Variants in NCALD observed in about 807,000 individuals in gnomAD.
The protein encoded by NCALD is neurocalcin-delta.
A neutral mutation model predicts 18.6 loss-of-function variants in NCALD; 10 were observed. The ratio of observed to expected loss-of-function variants is 0.54; its 90% CI spans 0.33 to 0.91. The LOEUF (loss-of-function observed/expected upper bound fraction) is 0.91. Ranked by LOEUF, NCALD falls within the 40% of genes least tolerant of loss-of-function variation. The probability of loss-of-function intolerance (pLI) is 0.03; values close to 1 mark genes in which losing one functional copy is unlikely to be tolerated. For missense variants in NCALD, 184 were observed against 247.6 expected, an observed-to-expected ratio of 0.74 and a Z score of 1.72; for synonymous variants, 88 against 87.4, an observed-to-expected ratio of 1.01 and a Z score of -0.04.
intron 1 of NCALD, among the ~76,000 whole-genome samples, chr8:101,778,687 G>A (rs1195158336): frequency 2.0e-5 from 3 of 152,058 alleles, no homozygotes; most frequent in African/African-American, 7.2e-5. Flanking sequence ...TGGGAAAAAA[G>A]TTAAGACCAT....
chr8:101,975,819 C>T (rs1820400918), intron 2 of NCALD, among the ~76,000 whole-genome samples: 1 of 152,134 alleles, frequency 6.6e-6, no homozygotes, highest in African/African-American at 2.4e-5. Context: ...GCTGTGTTTT[C>T]TATCTTCTTT....
chr8:102,012,469 T>C (rs1346043912), intron 2 of NCALD, among the ~76,000 whole-genome samples: 1 of 152,124 alleles, frequency 6.6e-6, no homozygotes, highest in Non-Finnish European at 1.5e-5. Context: ...CAGCATTACA[T>C]CAGGAGTCAA....
At chr8:101,821,355 T>C (rs566117953) in intron 4 of NCALD, among the ~76,000 whole-genome samples, 30 of 152,226 alleles carry the variant, frequency 2.0e-4, no homozygotes, top group Non-Finnish European at 3.4e-4. Flanking sequence ...TTTATGTACA[T>C]TAACCAACAT....
chr8:101,986,117 G>A (rs1205804199), intron 2 of NCALD, among the ~76,000 whole-genome samples: 1 of 151,794 alleles, frequency 6.6e-6, no homozygotes, highest in Non-Finnish European at 1.5e-5. Context: ...TGCAACCTCC[G>A]CCTCCCAGGT....
chr8:101,820,699 G>A (rs532804860), intron 4 of NCALD, among the ~76,000 whole-genome samples: 157 of 152,284 alleles, frequency 1.0e-3, no homozygotes, highest in East Asian at 2.1e-3. Flanking sequence ...TTCTGGCTCC[G>A]TAATGGTGCA....
At chr8:101,746,047 A>G (rs1810412940) in intron 1 of NCALD, 1 of 152,252 alleles carries the variant, frequency 6.6e-6, no homozygotes, top group South Asian at 2.1e-4. Context: ...AAGCACTTTC[A>G]TACCCAGTGT....
chr8:102,036,139 A>T (rs76202422), intron 1 of NCALD, among the ~76,000 whole-genome samples: 1,770 of 114,132 alleles, frequency 0.016, 9 homozygotes, highest in Middle Eastern at 0.043. Flanking sequence ...ATAAATAAAT[A>T]AATAAATTAA....
Position 101,727,825 on chromosome 8 carries a change from C to T in NCALD, c.-19-8177G>A, listed in dbSNP as rs560712522. Among the ~76,000 whole-genome samples the T allele has an allele frequency of 2.6e-5, 4 of 152,338 alleles. No homozygotes were observed. In the East Asian group the frequency reaches 7.7e-4, roughly 29 times the overall value. On this transcript the variant is annotated intron_variant, in intron 1 of 3. Coordinates refer to ENST00000220931, the MANE Select transcript of NCALD (RefSeq NM_032041.3). ...CTCAGTTCTCTCTCTGCTCCAGGCA[C>T]CTTGGCCTCCTGGATGTCCCATCTT...
chr8:101,746,189 CG>C (rs1424108262), intron 1 of NCALD, among the ~76,000 whole-genome samples: 3 of 152,084 alleles, frequency 2.0e-5, no homozygotes, highest in Non-Finnish European at 2.9e-5. Context: ...AGATGAAATT[CG>C]GAAATGCTAA....
At chr8:101,933,356 G>T (rs1231095687) in intron 2 of NCALD, among the ~76,000 whole-genome samples, 6 of 152,180 alleles carry the variant, frequency 3.9e-5, no homozygotes, top group Non-Finnish European at 2.9e-5. Context: ...AGCGGAGATT[G>T]GCAGGATGCA....
chr8:101,986,092 G>A lies in NCALD; in HGVS notation c.-157+34145C>T, dbSNP rs546517706. 1.5e-4 allele frequency among the ~76,000 whole-genome samples: 22 copies of A among 151,628 alleles called. No individual in the cohort carries two copies. The South Asian group carries it at 1.9e-3, about 13-fold the overall frequency. On this transcript the variant is annotated intron_variant, in intron 2 of 6. Coordinates refer to the NCALD transcript ENST00000311028. ...ATCACTCTGTCGCCCAGGCAGTGGC[G>A]CGATCTTGGCTCACTGCAACCTCCG...
chr8:102,057,987 A>G (rs2132247699), intron 1 of NCALD, among the ~76,000 whole-genome samples: 1 of 152,360 alleles, frequency 6.6e-6, no homozygotes, highest in African/African-American at 2.4e-5. Context: ...TATTCAATAA[A>G]TATCAGCTGA....
intron 1 of NCALD, among the ~76,000 whole-genome samples, chr8:101,747,924 G>A (rs1177407673): frequency 6.6e-6 from 1 of 152,038 alleles, no homozygotes; most frequent in African/African-American, 2.4e-5. Flanking sequence ...CACCATGTTG[G>A]CCAGGCTGGT....
At chr8:101,742,114 G>A (rs1418399474) in intron 1 of NCALD, among the ~76,000 whole-genome samples, 2 of 150,694 alleles carry the variant, frequency 1.3e-5, no homozygotes, top group Admixed American at 6.6e-5. Context: ...TTAGCTGGGC[G>A]TGGTGGTGGG....
At chr8:101,856,462 T>C (rs1192780526) in intron 4 of NCALD, among the ~76,000 whole-genome samples, 8 of 152,206 alleles carry the variant, frequency 5.3e-5, no homozygotes, top group Admixed American at 5.2e-4. Context: ...ACTGTCATTT[T>C]TCACATGTCC....
intron 3 of NCALD, among the ~76,000 whole-genome samples, chr8:101,893,541 A>G (rs1471455546): frequency 2.3e-5 from 3 of 130,190 alleles, no homozygotes; most frequent in Non-Finnish European, 4.7e-5. Flanking sequence ...AATGGACTAA[A>G]TGCTCCAATT....
rs1455122113 is a variant in NCALD, at chr8:101,688,598, T to C, written c.*711A>G. ...CAGCCGTCTTTTTATTTTATCACAA[T>C]AGGCAACAAGATGGGTCTGGTTTTG... On this transcript the variant is annotated 3_prime_UTR_variant, in exon 4 of 4. Coordinates refer to ENST00000220931, the MANE Select transcript of NCALD (RefSeq NM_032041.3). The C allele has an allele frequency of 2.2e-6, 1 of 454,856 alleles. No homozygotes were observed. The highest frequency in any genetic ancestry group is 2.0e-5 in the African/African-American group (1 of 49,884). The allele number at this position is 454,856 out of a possible 1,614,324, so 28.2% of individuals were successfully genotyped here.
chr8:101,969,615 G>A (rs1318960389), intron 2 of NCALD, among the ~76,000 whole-genome samples: 3 of 150,082 alleles, frequency 2.0e-5, no homozygotes, highest in African/African-American at 2.5e-5. Context: ...GAGAGCCCAG[G>A]GTGGCTTCTG....
At position 101,797,927 on chromosome 8, in the gene NCALD, A is replaced by T. The variant is rs1382962234; in HGVS notation, c.-19-78279T>A. On this transcript the variant is annotated intron_variant, in intron 4 of 6. Transcript: ENST00000311028. ...GAGACCCATGGGACTATAAAAAAAAATCTTTTATGTCTTCAAAGTCCTAGA... is the reference window on the plus strand; with the variant it reads ...GAGACCCATGGGACTATAAAAAAAATTCTTTTATGTCTTCAAAGTCCTAGA... 2.0e-5 allele frequency among the ~76,000 whole-genome samples: 3 copies of T among 152,290 alleles called. No homozygotes were observed. The South Asian group carries it at 6.2e-4, about 32-fold the overall frequency.
Sources: allele counts gnomAD v4.1 joint callset (sites outside exome capture counted in the v4.1 genomes callset), GRCh38; gene constraint gnomAD v4.1.1; transcripts MANE v1.5; gene names NCBI Gene and HGNC (gene_info 2026-07-23, HGNC 2026-07-21).